Variants in CHD9 observed in about 807,000 individuals in gnomAD.
CHD9 encodes chromodomain helicase DNA binding protein 9, also known as ATP-dependent chromatin remodeler CHD9.
In CHD9, 77 loss-of-function variants were observed where a neutral mutation model predicts 316.1. That is an observed-to-expected ratio of 0.24 (90% CI 0.20 to 0.29). CHD9 has a LOEUF of 0.29. Ranked by LOEUF, CHD9 falls within the 10% of genes least tolerant of loss-of-function variation. The probability of loss-of-function intolerance (pLI) is 1.00; values close to 1 mark genes in which losing one functional copy is unlikely to be tolerated. For synonymous variants in CHD9, 1,129 were observed against 1,158.3 expected (o/e 0.97, Z 0.51); for missense variants, 2,763 against 3,438.1 (o/e 0.80, Z 4.91).
chr16:53,211,285 A>G (rs2046314021), intron 3 of CHD9, among the ~76,000 whole-genome samples: 1 of 152,188 alleles, frequency 6.6e-6, no homozygotes. Context: ...AAAACATTGT[A>G]CATAAGAGAT....
intron 24 of CHD9, among the ~76,000 whole-genome samples, chr16:53,284,888 C>T (rs879345683): frequency 2.6e-5 from 4 of 152,164 alleles, no homozygotes; most frequent in Non-Finnish European, 4.4e-5. Context: ...ACCTCAGCCT[C>T]CCAAGTAGCT....
chr16:53,166,953 A>G (rs1424878184), intron 2 of CHD9, among the ~76,000 whole-genome samples: 1 of 152,162 alleles, frequency 6.6e-6, no homozygotes, highest in East Asian at 1.9e-4. Context: ...GTTTCACTCT[A>G]TCCTCATATG....
At chr16:53,071,794 C>T (rs1364457863) in intron 1 of CHD9, among the ~76,000 whole-genome samples, 1 of 152,182 alleles carries the variant, frequency 6.6e-6, no homozygotes, top group Non-Finnish European at 1.5e-5. Flanking sequence ...GTTTGAAGAA[C>T]TGTGCTGAGG....
chr16:53,058,578 G>A (rs1463157175), intron 1 of CHD9, among the ~76,000 whole-genome samples: 1 of 152,226 alleles, frequency 6.6e-6, no homozygotes, highest in Non-Finnish European at 1.5e-5. Context: ...GAGAGCCAGT[G>A]GGCAGGGAGT....
chr16:53,077,288 AT>A lies in CHD9; in HGVS notation c.-165+22222del, dbSNP rs953937029. 5.2e-3 allele frequency among the ~76,000 whole-genome samples: 704 copies of A among 134,610 alleles called. 1 individual carries two copies. The highest frequency in any genetic ancestry group is 0.016 in the African/African-American group (589 of 36,528). The allele number at this position is 134,610 out of a possible 152,430, so 88.3% of individuals were successfully genotyped here. A position where few individuals can be genotyped will look rare whatever the true frequency, so the allele number is the denominator to read the frequency against. ...CAGGTGAGAGCCACTGTGCTTGCCC[AT>A]TTTTTTTTTTAATATATAAAATTTT... On this transcript the variant is annotated intron_variant, in intron 1 of 38. Transcript: ENST00000447540.
chr16:53,302,449 T>C (rs1240724514), intron 30 of CHD9, among the ~76,000 whole-genome samples: 2 of 152,234 alleles, frequency 1.3e-5, no homozygotes, highest in Non-Finnish European at 2.9e-5. Context: ...GGATTGGAGA[T>C]GTCAGTATGT....
At chr16:53,294,033 C>T (rs1252468188) in intron 29 of CHD9, among the ~76,000 whole-genome samples, 1 of 152,112 alleles carries the variant, frequency 6.6e-6, no homozygotes, top group Non-Finnish European at 1.5e-5. Context: ...TACATCCAGA[C>T]TTTTATGAAA....
intron 1 of CHD9, among the ~76,000 whole-genome samples, chr16:53,110,958 A>C (rs2037818154): frequency 6.6e-6 from 1 of 152,174 alleles, no homozygotes; most frequent in African/African-American, 2.4e-5. Context: ...TGACAGTTTG[A>C]GAAGGTACAT....
At chr16:53,096,428 T>A (rs2036386242) in intron 1 of CHD9, among the ~76,000 whole-genome samples, 1 of 152,222 alleles carries the variant, frequency 6.6e-6, no homozygotes, top group South Asian at 2.1e-4. Context: ...GCTTGCTTAT[T>A]AAGTGCCAGG....
chr16:53,248,684 C>A (rs924834782), intron 16 of CHD9, among the ~76,000 whole-genome samples: 5 of 151,224 alleles, frequency 3.3e-5, no homozygotes, highest in African/African-American at 1.2e-4. Context: ...CACTACCACA[C>A]CCAGCTAATT....
intron 1 of CHD9, among the ~76,000 whole-genome samples, chr16:53,076,514 G>C (rs1436552676): frequency 6.6e-6 from 1 of 152,076 alleles, no homozygotes; most frequent in East Asian, 1.9e-4. Flanking sequence ...GGCAGAGGTT[G>C]CAATGAGCCG....
chr16:53,156,230 G>A lies in CHD9; in HGVS notation c.141G>A (p.Pro47=), dbSNP rs540497675. 3.0e-5 allele frequency: 48 copies of A among 1,613,970 alleles called. No homozygotes were observed. In the East Asian group the frequency reaches 7.1e-4, roughly 24 times the overall value. ...DELNLGAEFE[P]LHIDSLNHVQ... is the part of the protein sequence containing the mutation. Reference sequence around the variant, plus strand: ...TGAATTTGGGTGCAGAATTTGAACCGTTGCACATAGATTCACTGAACCATG... The same window carrying A: ...TGAATTTGGGTGCAGAATTTGAACCATTGCACATAGATTCACTGAACCATG... The change falls in exon 2 of 39, where the codon CCG becomes CCA. Residue 47 remains proline, a synonymous_variant. Transcript: ENST00000447540.
chr16:53,141,791 T>C (rs2040130738), intron 1 of CHD9, among the ~76,000 whole-genome samples: 1 of 151,880 alleles, frequency 6.6e-6, no homozygotes, highest in Non-Finnish European at 1.5e-5. Context: ...TAACTTGAAG[T>C]GTTTGAGTGT....
In CHD9 at chr16:53,160,633, G is replaced by A. The variant is rs558950760; in HGVS notation, c.1452+3092G>A. On this transcript the variant is annotated intron_variant, in intron 2 of 38. Coordinates refer to ENST00000447540, the MANE Select transcript of CHD9 (RefSeq NM_001308319.2). ...ACTGAAAGTCTATTCTCGGCCAGGC[G>A]CAGTGGCTCACGCCTGTAATCCCAG... Among the ~76,000 whole-genome samples the A allele has an allele frequency of 9.9e-4, 150 of 152,130 alleles. No homozygotes were observed. The Middle Eastern group carries it at 0.02, about 21-fold the overall frequency.
chr16:53,222,922 A>G (rs535451120), intron 4 of CHD9, among the ~76,000 whole-genome samples, 167 bp downstream of exon 4: 98 of 152,330 alleles, frequency 6.4e-4, no homozygotes, highest in South Asian at 2.7e-3. Flanking sequence ...ATATTACCAT[A>G]GAATATTAGA....
At chr16:53,155,096 A>G (rs1178123077) in intron 1 of CHD9, among the ~76,000 whole-genome samples, 1 of 152,236 alleles carries the variant, frequency 6.6e-6, no homozygotes, top group African/African-American at 2.4e-5. Context: ...TTTCTTTGAG[A>G]AGACACAGAC....
chr16:53,150,884 C>T (rs1269324959), intron 1 of CHD9, among the ~76,000 whole-genome samples: 3 of 152,008 alleles, frequency 2.0e-5, no homozygotes, highest in Non-Finnish European at 1.5e-5. Flanking sequence ...TCTTTTTTCT[C>T]TTGCCACTTT....
At chr16:53,153,820 G>A (rs1190858662) in intron 1 of CHD9, among the ~76,000 whole-genome samples, 1 of 152,136 alleles carries the variant, frequency 6.6e-6, no homozygotes, top group Non-Finnish European at 1.5e-5. Flanking sequence ...GATTATAGGT[G>A]TGAGCCACTG....
At chr16:53,272,733 C>T (rs2052393138) in intron 22 of CHD9, among the ~76,000 whole-genome samples, 1 of 151,940 alleles carries the variant, frequency 6.6e-6, no homozygotes, top group African/African-American at 2.4e-5. Flanking sequence ...AATACTTATC[C>T]AACATAGGTA....
Sources: allele counts gnomAD v4.1 joint callset (sites outside exome capture counted in the v4.1 genomes callset), GRCh38; gene constraint gnomAD v4.1.1; transcripts MANE v1.5; gene names NCBI Gene and HGNC (gene_info 2026-07-23, HGNC 2026-07-21).